NRXN3: variants seen among roughly 807,000 people sequenced by gnomAD.
NRXN3 encodes neurexin III.
Under a neutral mutation model 137.6 loss-of-function variants are expected in NRXN3, and 32 were observed. The observed-to-expected ratio is 0.23, with a 90% CI of 0.18 to 0.31. The LOEUF (loss-of-function observed/expected upper bound fraction) is 0.31, where lower values mean the gene tolerates loss of function less well. Ranked by LOEUF, NRXN3 falls within the 10% of genes least tolerant of loss-of-function variation. The pLI is 1.00. For synonymous variants in NRXN3, 798 were observed against 784.5 expected (o/e 1.02, Z -0.29); for missense variants, 1,574 against 2,062.5 (o/e 0.76, Z 4.59).
chr14:79,262,835 T>C (rs2077840820), intron 15 of NRXN3, among the ~76,000 whole-genome samples: 1 of 152,130 alleles, frequency 6.6e-6, no homozygotes, highest in Admixed American at 6.5e-5. Flanking sequence ...CCTGGGTGGA[T>C]AGCAACACTG....
chr14:78,853,080 T>C (rs1382827826), intron 10 of NRXN3, among the ~76,000 whole-genome samples: 1 of 152,162 alleles, frequency 6.6e-6, no homozygotes, highest in Non-Finnish European at 1.5e-5. Flanking sequence ...TTTTTTTTAC[T>C]ATTATACTTT....
intron 19 of NRXN3, among the ~76,000 whole-genome samples, chr14:79,745,163 T>G (rs1277710782): frequency 6.6e-6 from 1 of 152,114 alleles, no homozygotes; most frequent in Non-Finnish European, 1.5e-5. Flanking sequence ...AGTTGTACAC[T>G]TGGTTAATTT....
Position 79,221,266 on chromosome 14 carries a change from T to A in NRXN3, c.3262+233125T>A, listed in dbSNP as rs1360024015. 2.0e-5 allele frequency among the ~76,000 whole-genome samples: 3 copies of A among 152,096 alleles called. No individual in the cohort carries two copies. In the East Asian group the frequency reaches 5.8e-4, roughly 29 times the overall value. On this transcript the variant is annotated intron_variant, in intron 15 of 20. Transcript: ENST00000335750. The stretch of plus-strand genomic sequence containing the variant: ...TCATTTATTATCCTTTGTGTATATA[T>A]CCAGTAATGGGATTGCTGGGTCAAA...
chr14:79,484,541 G>A (rs1363614686), intron 16 of NRXN3, among the ~76,000 whole-genome samples: 1 of 152,134 alleles, frequency 6.6e-6, no homozygotes, highest in Non-Finnish European at 1.5e-5. Flanking sequence ...TGGAGCTGAG[G>A]AGCCATTGCC....
chr14:79,003,970 G>T (rs187626494), intron 15 of NRXN3, among the ~76,000 whole-genome samples: 2 of 152,254 alleles, frequency 1.3e-5, no homozygotes, highest in Admixed American at 6.5e-5. Context: ...CCAGAAGGGG[G>T]TTGGTGGAGA....
intron 15 of NRXN3, among the ~76,000 whole-genome samples, chr14:79,049,385 A>C (rs1433401800): frequency 1.3e-5 from 2 of 152,158 alleles, no homozygotes; most frequent in African/African-American, 4.8e-5. Context: ...ATGTTGTATC[A>C]TGAGATTACA....
intron 4 of NRXN3, among the ~76,000 whole-genome samples, chr14:78,594,081 AG>A (rs1380618203): frequency 1.3e-5 from 2 of 152,304 alleles, no homozygotes; most frequent in African/African-American, 4.8e-5. Flanking sequence ...AGGTTGTTCC[AG>A]GGCCAGAGAG....
intron 15 of NRXN3, among the ~76,000 whole-genome samples, chr14:79,380,753 G>A (rs1488912883): frequency 6.6e-6 from 1 of 152,180 alleles, no homozygotes; most frequent in Non-Finnish European, 1.5e-5. Flanking sequence ...AACAGGTGCT[G>A]GAGAGGATGT....
At chr14:78,524,801 G>A (rs1354222956) in intron 4 of NRXN3, among the ~76,000 whole-genome samples, 1 of 151,922 alleles carries the variant, frequency 6.6e-6, no homozygotes, top group African/African-American at 2.4e-5. Context: ...CCTGGACCTA[G>A]GCAAAATGTT....
At chr14:79,373,412 G>A (rs973710084) in intron 15 of NRXN3, among the ~76,000 whole-genome samples, 5 of 152,192 alleles carry the variant, frequency 3.3e-5, no homozygotes, top group African/African-American at 1.2e-4. Context: ...TGTAAGAAGT[G>A]TGGCAAAATG....
At chr14:78,704,566 G>C (rs151231057) in intron 6 of NRXN3, among the ~76,000 whole-genome samples, 6 of 152,144 alleles carry the variant, frequency 3.9e-5, no homozygotes, top group Non-Finnish European at 1.5e-5. Context: ...ATGGACTTGG[G>C]TGTGGTTTTT....
intron 15 of NRXN3, among the ~76,000 whole-genome samples, chr14:79,060,000 T>A (rs2099672222): frequency 1.3e-5 from 2 of 152,188 alleles, no homozygotes; most frequent in African/African-American, 2.4e-5. Context: ...TCAAACAGAA[T>A]TTTTTTGGGT....
rs1039815285 is a variant in NRXN3, at chr14:78,956,057, A to G, written c.2276-1185A>G. Reference sequence around the variant, plus strand: ...CTCAGTATATGTTGGAGCCAAGTATATGGTTTTCCAAACTATTTCACATAT... The same window carrying G: ...CTCAGTATATGTTGGAGCCAAGTATGTGGTTTTCCAAACTATTTCACATAT... On this transcript the variant is annotated intron_variant, in intron 10 of 20. Coordinates refer to ENST00000335750, the MANE Select transcript of NRXN3 (RefSeq NM_001330195.2). Among the ~76,000 whole-genome samples, 3 of 152,172 alleles carry G rather than the reference A, an allele frequency of 2.0e-5. No individual in the cohort carries two copies. The Middle Eastern group carries it at 9.5e-3, about 482-fold the overall frequency.
intron 15 of NRXN3, among the ~76,000 whole-genome samples, chr14:79,334,413 C>T (rs374842921): frequency 6.6e-6 from 1 of 152,038 alleles, no homozygotes; most frequent in Non-Finnish European, 1.5e-5. Flanking sequence ...GCATTCCATG[C>T]TGAGGAAATA....
intron 15 of NRXN3, among the ~76,000 whole-genome samples, chr14:79,061,376 GA>G (rs2099674061): frequency 6.6e-6 from 1 of 152,202 alleles, no homozygotes; most frequent in Admixed American, 6.5e-5. Context: ...GAGATCGTCT[GA>G]GAGTTCCTGG....
intron 17 of NRXN3, among the ~76,000 whole-genome samples, chr14:79,665,146 A>G (rs1274076613): frequency 2.6e-5 from 4 of 152,186 alleles, no homozygotes; most frequent in African/African-American, 9.6e-5. Flanking sequence ...AAAGCCTATC[A>G]GAAGTATCTG....
chr14:78,934,785 G>A (rs7152298), intron 10 of NRXN3, among the ~76,000 whole-genome samples: 18,298 of 150,954 alleles, frequency 0.12, 2,283 homozygotes, highest in East Asian at 0.43. Flanking sequence ...ACAGGAAGGG[G>A]AACATCACAC....
At chr14:79,770,931 GA>G (rs1371262603) in intron 19 of NRXN3, among the ~76,000 whole-genome samples, 2 of 152,080 alleles carry the variant, frequency 1.3e-5, no homozygotes, top group Admixed American at 6.5e-5. Flanking sequence ...AATAAAAAAT[GA>G]TAAAGAAGAT....
At chr14:79,601,900 C>A (rs1376145322) in intron 16 of NRXN3, among the ~76,000 whole-genome samples, 3 of 152,264 alleles carry the variant, frequency 2.0e-5, no homozygotes, top group East Asian at 3.9e-4. Flanking sequence ...AGAACCCAGA[C>A]CGAAGAGGGC....
Sources: allele counts gnomAD v4.1 joint callset (sites outside exome capture counted in the v4.1 genomes callset), GRCh38; gene constraint gnomAD v4.1.1; transcripts MANE v1.5; gene names NCBI Gene and HGNC (gene_info 2026-07-23, HGNC 2026-07-21).